CD55: variants seen among roughly 807,000 people sequenced by gnomAD.
CD55 encodes CD55 molecule (Cromer blood group), also known as complement decay-accelerating factor.
In CD55, 41 loss-of-function variants were observed where a neutral mutation model predicts 45.8. The observed-to-expected ratio is 0.90, with a 90% CI of 0.70 to 1.16. CD55 has a LOEUF of 1.16. Ranked by LOEUF, CD55 falls within the 50% of genes most tolerant of loss-of-function variation. The pLI, the probability that CD55 is intolerant of heterozygous loss-of-function variation, is 0.00. For missense variants in CD55, 416 were observed against 469.8 expected (o/e 0.89, Z 1.06); for synonymous variants, 181 against 181.1 (o/e 1.00, Z 0.01).
intron 5 of CD55, among the ~76,000 whole-genome samples, chr1:207,328,977 C>A (rs1043632858): frequency 6.6e-6 from 1 of 152,188 alleles, no homozygotes; most frequent in Admixed American, 6.5e-5. Context: ...CATAAGCGGA[C>A]AACTCAGCCT....
At chr1:207,352,680 A>T (rs1655915625) in intron 9 of CD55, among the ~76,000 whole-genome samples, 1 of 152,196 alleles carries the variant, frequency 6.6e-6, no homozygotes, top group South Asian at 2.1e-4. Context: ...ATTAGTGGGT[A>T]TGAAAACTCC....
chr1:207,340,618 C>T lies in CD55; in HGVS notation c.1081+1201C>T, dbSNP rs529102197. 173 of 678,226 alleles carry T rather than the reference C, an allele frequency of 2.6e-4. 2 individuals are homozygous for T. The highest frequency in any genetic ancestry group is 1.8e-3 in the South Asian group (115 of 63,236). The allele number at this position is 678,226 out of a possible 1,614,324, so 42.0% of individuals were successfully genotyped here. A position where few individuals can be genotyped will look rare whatever the true frequency, so the allele number is the denominator to read the frequency against. Reference sequence around the variant, plus strand: ...AACTCCTGGCCGTAAGCGATTTTTCCGGCCTCCCAAAACGTTGCGATTATA... The same window carrying T: ...AACTCCTGGCCGTAAGCGATTTTTCTGGCCTCCCAAAACGTTGCGATTATA... On this transcript the variant is annotated intron_variant, in intron 9 of 9. Transcript: ENST00000367064.
chr1:207,357,285 A>G (rs1478816860), intron 9 of CD55, among the ~76,000 whole-genome samples: 2 of 152,234 alleles, frequency 1.3e-5, no homozygotes, highest in South Asian at 4.1e-4. Context: ...TTTTCTCCAG[A>G]TATATCAGAA....
At chr1:207,351,526 A>C (rs923412980) in intron 9 of CD55, among the ~76,000 whole-genome samples, 1 of 152,178 alleles carries the variant, frequency 6.6e-6, no homozygotes, top group African/African-American at 2.4e-5. Context: ...TGGATGATCC[A>C]GTGTTGGATC....
At chr1:207,333,189 A>G (rs1424847256) in intron 6 of CD55, among the ~76,000 whole-genome samples, 1 of 152,238 alleles carries the variant, frequency 6.6e-6, no homozygotes, top group Admixed American at 6.5e-5. Flanking sequence ...ACAGGCTTTT[A>G]TCTAGCATAC....
At chr1:207,327,903 C>T (rs1158693811) in intron 5 of CD55, among the ~76,000 whole-genome samples, 2 of 152,112 alleles carry the variant, frequency 1.3e-5, no homozygotes, top group Non-Finnish European at 2.9e-5. Flanking sequence ...AATTTTTCAT[C>T]ATTGCTACCC....
chr1:207,333,792 G>A (rs77629487), intron 6 of CD55, among the ~76,000 whole-genome samples: 47 of 152,264 alleles, frequency 3.1e-4, no homozygotes, highest in Non-Finnish European at 5.6e-4. Flanking sequence ...GCAGGAAACA[G>A]TATTAGGAAC....
chr1:207,354,690 G>T (rs900615802), intron 9 of CD55, among the ~76,000 whole-genome samples: 1 of 152,124 alleles, frequency 6.6e-6, no homozygotes, highest in African/African-American at 2.4e-5. Flanking sequence ...TGAATTTTGA[G>T]ATCATAAACA....
intron 9 of CD55, chr1:207,354,019 G>A: frequency 6.5e-7 from 1 of 1,535,044 alleles, no homozygotes; most frequent in Non-Finnish European, 8.7e-7. Flanking sequence ...CTGCAAGTTA[G>A]ACCTTTTGAA....
Position 207,331,234 on chromosome 1 carries a change from C to T in CD55, c.791C>T (p.Ser264Phe), listed in dbSNP as rs1457757174. Residue 264 changes from serine to phenylalanine, a missense_variant, in exon 6 of 10, where the codon TCT (serine) becomes TTT (phenylalanine). This residue lies in a region of CD55 where 182 missense variants were observed against 201.4 expected (regional missense o/e 0.90). Coordinates refer to ENST00000367064, the MANE Select transcript of CD55 (RefSeq NM_000574.5). Reference protein sequence around the residue: ...NKGFTMIGEHSIYCTVNNDEG... With the variant: ...NKGFTMIGEHFIYCTVNNDEG... ...GGATTCACCATGATTGGAGAGCACT[C>T]TATTTATTGTACTGTGAATAATGAT... is the stretch of plus-strand genomic sequence containing the variant. The T allele has an allele frequency of 1.2e-6, 2 of 1,613,680 alleles. No individual in the cohort carries two copies. The highest frequency in any genetic ancestry group is 1.3e-5 in the African/African-American group (1 of 75,008).
Position 207,322,564 on chromosome 1 carries a change from A to G in CD55, c.283A>G (p.Asn95Asp). The change falls in exon 2 of 10, where the codon AAT becomes GAT. Residue 95 changes from asparagine to aspartate, a missense_variant. By Grantham distance (23) the Asn-to-Asp change is conservative. Around this residue, in one of 3 missense-constraint regions of CD55, gnomAD observed 111 missense variants for 163.4 expected, o/e 0.68. Coordinates refer to ENST00000367064, the MANE Select transcript of CD55 (RefSeq NM_000574.5). ...SQWSDIEEFC[N>D]RSCEVPTRLN... ...ATGGTCAGATATTGAAGAGTTCTGC[A>G]ATCGTAAGTTCTTCATCTTTTTAGA... 1 of 1,595,294 alleles carries G rather than the reference A, an allele frequency of 6.3e-7. No homozygotes were observed. The highest frequency in any genetic ancestry group is 1.1e-5 in the South Asian group (1 of 87,672).
rs1283871336 is a variant in CD55 at position 207,360,164 on chromosome 1, GATGGTGATAAGGGAGGAAT to G, written c.*557_*575del. On this transcript the variant is annotated 3_prime_UTR_variant, in exon 10 of 10. Coordinates refer to ENST00000367064, the MANE Select transcript of CD55 (RefSeq NM_000574.5). ...AACATGCTGGTGAACCAGGGGTGTT[GATGGTGATAAGGGAGGAAT>G]ATAGAATGAAAGACTGAATCTTCCT... The G allele has an allele frequency of 6.6e-6, 1 of 152,164 alleles. No homozygotes were observed. 9.4% of individuals were successfully genotyped at this position (152,164 alleles called of 1,614,324 possible).
chr1:207,343,080 T>C (rs541225347), intron 9 of CD55, among the ~76,000 whole-genome samples: 51 of 152,202 alleles, frequency 3.4e-4, no homozygotes, highest in Non-Finnish European at 1.8e-4. Flanking sequence ...GCTTCTCTCT[T>C]TTTTTCTTGG....
chr1:207,359,660 A>G lies in CD55; in HGVS notation c.*50A>G, dbSNP rs55788390. 40 of 1,545,736 alleles carry G rather than the reference A, an allele frequency of 2.6e-5. No homozygotes were observed. In the Admixed American group the frequency reaches 9.2e-4, roughly 36 times the overall value. On this transcript the variant is annotated 3_prime_UTR_variant, in exon 10 of 10. Transcript: ENST00000367064. Reference sequence around the variant, plus strand: ...ACACACAAGTATACAGACTGTTCCTAGTTTCTTAGACTTATCTGCATATTG... The same window carrying G: ...ACACACAAGTATACAGACTGTTCCTGGTTTCTTAGACTTATCTGCATATTG...
chr1:207,339,225 G>A (rs879373916), intron 8 of CD55, among the ~76,000 whole-genome samples, 172 bp from the exon 9 acceptor site: 4 of 2,658 alleles, frequency 1.5e-3, no homozygotes, highest in African/African-American at 2.1e-3. Flanking sequence ...CATTCTACTT[G>A]ATTAAGTTAA....
intron 9 of CD55, among the ~76,000 whole-genome samples, chr1:207,349,475 G>T (rs1208483063): frequency 6.6e-6 from 1 of 151,758 alleles, no homozygotes; most frequent in African/African-American, 2.4e-5. Context: ...GAGCCACCAT[G>T]CCCGCAGTAT....
intron 9 of CD55, among the ~76,000 whole-genome samples, chr1:207,342,540 G>A (rs1463611578): frequency 6.6e-6 from 1 of 152,096 alleles, no homozygotes; most frequent in Non-Finnish European, 1.5e-5. Context: ...ATCCCTGGTC[G>A]AAATCCCACT....
chr1:207,337,543 A>C lies in CD55; in HGVS notation c.1060+134A>C. The stretch of plus-strand genomic sequence containing the variant: ...AGGGTTTTTCATACTAATACTTTTT[A>C]CTTTATTTGGAAGCGGACTTGGATT... On this transcript the variant is annotated intron_variant, in intron 8 of 9. Transcript: ENST00000367064. 3 of 564,410 alleles carry C rather than the reference A, an allele frequency of 5.3e-6. No individual in the cohort carries two copies. The South Asian group carries it at 7.1e-5, about 13-fold the overall frequency. The allele number at this position is 564,410 out of a possible 1,614,324, so 35.0% of individuals were successfully genotyped here. A position where few individuals can be genotyped will look rare whatever the true frequency, so the allele number is the denominator to read the frequency against.
chr1:207,322,272 G>A (rs1191039259), intron 1 of CD55, 110 bp from the exon 2 acceptor site: 2 of 907,410 alleles, frequency 2.2e-6, no homozygotes, highest in Non-Finnish European at 3.7e-6. Flanking sequence ...CTGCAAACTT[G>A]CATGTCATCT....
Sources: gnomAD v4.1 joint callset for allele counts (sites outside exome capture counted in the v4.1 genomes callset) on GRCh38, gnomAD v4.1.1 for gene constraint, gnomAD v4.1.1 regional missense constraint, MANE v1.5 for transcripts, NCBI Gene and HGNC (gene_info 2026-07-23, HGNC 2026-07-21) for gene names.